The following PCLO variants were observed in gnomAD, a reference collection of about 807,000 sequenced individuals.
PCLO encodes the protein protein piccolo.
PCLO carries 82 observed loss-of-function variants against 427.5 expected under a neutral mutation model. The observed-to-expected ratio is 0.19, with a 90% CI of 0.16 to 0.23. The LOEUF is 0.23. PCLO is among the 10% of genes least tolerant of loss of function. PCLO has a pLI of 1.00. For synonymous variants in PCLO, 2,357 were observed against 2,155.4 expected (o/e 1.09, Z -2.59); for missense variants, 6,239 against 6,115.9 (o/e 1.02, Z -0.67).
At chr7:83,122,641 A>C (rs1791318291) in intron 3 of PCLO, among the ~76,000 whole-genome samples, 1 of 152,148 alleles carries the variant, frequency 6.6e-6, no homozygotes, top group South Asian at 2.1e-4. Context: ...TCCTAGCTAT[A>C]GCAATTAGAC....
At chr7:82,913,442 A>C (rs972473889) in intron 7 of PCLO, among the ~76,000 whole-genome samples, 1 of 152,024 alleles carries the variant, frequency 6.6e-6, no homozygotes, top group African/African-American at 2.4e-5. Flanking sequence ...ATGTTAGCTT[A>C]GTTCTTTGGA....
chr7:83,007,819 T>C (rs1195614728), intron 3 of PCLO, among the ~76,000 whole-genome samples: 2 of 151,548 alleles, frequency 1.3e-5, no homozygotes. Flanking sequence ...GGGCATGTTA[T>C]CTACTTCAGA....
At chr7:82,919,069 T>C (rs1367491697) in intron 6 of PCLO, among the ~76,000 whole-genome samples, 1 of 151,980 alleles carries the variant, frequency 6.6e-6, no homozygotes, top group African/African-American at 2.4e-5. Context: ...AAGGTAGGCT[T>C]GCACTTCTTG....
intron 10 of PCLO, among the ~76,000 whole-genome samples, chr7:82,864,482 A>C (rs1367646795): frequency 6.6e-6 from 1 of 152,170 alleles, no homozygotes; most frequent in East Asian, 1.9e-4. Context: ...GCTTACAGCT[A>C]AAATTTTATT....
intron 3 of PCLO, among the ~76,000 whole-genome samples, chr7:83,016,368 CAT>C (rs1394360263): frequency 1.3e-5 from 2 of 152,092 alleles, no homozygotes; most frequent in Admixed American, 6.6e-5. Context: ...ACTCAGTTCA[CAT>C]GTTAGGGTTA....
chr7:83,127,675 A>G (rs1175395231), intron 3 of PCLO, among the ~76,000 whole-genome samples: 2 of 152,148 alleles, frequency 1.3e-5, no homozygotes, highest in African/African-American at 2.4e-5. Context: ...TTCTGGTAGC[A>G]ATTACTTCAA....
In PCLO at chr7:83,134,599, C is replaced by T; in HGVS notation, c.2951G>A (p.Gly984Asp). Residue 984 changes from glycine (G) to aspartate (D), a missense_variant, in exon 3 of 25, where the codon GGT (glycine) becomes GAT (aspartate). Around this residue, in one of 5 missense-constraint regions of PCLO, gnomAD observed 4,677 missense variants for 4,468.4 expected, o/e 1.05. Coordinates refer to ENST00000333891, the MANE Select transcript of PCLO (RefSeq NM_033026.6). ...TTTTGCAGGTGCTGGTGGTGCTTGA[C>T]CTGTGGATTTGGGTGGCCCTTGTGA... is the stretch of plus-strand genomic sequence containing the variant. The part of the protein sequence containing the change: ...PTSQGPPKST[G>D]QAPPAPAKSI... The T allele has an allele frequency of 1.2e-6, 2 of 1,613,768 alleles. No individual in the cohort carries two copies. Among genetic ancestry groups the T allele is most frequent in the South Asian group, 2.2e-5 (2 of 91,068 alleles).
At position 82,954,837 on chromosome 7, in the gene PCLO, C is replaced by T; in HGVS notation, c.6116G>A (p.Ser2039Asn). The T allele has an allele frequency of 6.2e-7, 1 of 1,613,882 alleles. No homozygotes were observed. The highest frequency in any genetic ancestry group is 8.5e-7 in the Non-Finnish European group (1 of 1,179,832). ...AGTACCCAGGTCCACTATCTCATGG[C>T]TTTCTGGGATGATAAAAGAGCTTGA... ...IVSSSFIIPE[S>N]HEIVDLGTMV... The change falls in exon 5 of 25, where the codon AGC becomes AAC. Residue 2039 changes from serine to asparagine, a missense_variant. Ser to Asn is a conservative substitution (Grantham distance 46). Coordinates refer to ENST00000333891, the MANE Select transcript of PCLO (RefSeq NM_033026.6).
intron 9 of PCLO, among the ~76,000 whole-genome samples, chr7:82,900,201 T>C (rs537141585): frequency 6.6e-6 from 1 of 151,790 alleles, no homozygotes; most frequent in African/African-American, 2.4e-5. Context: ...TCCTAATCAA[T>C]TCATTCTCTA....
intron 14 of PCLO, among the ~76,000 whole-genome samples, chr7:82,838,776 G>A (rs1223028014): frequency 6.6e-6 from 1 of 151,822 alleles, no homozygotes; most frequent in Admixed American, 6.6e-5. Context: ...GCAGTGGGGT[G>A]GAACTGTCAT....
intron 3 of PCLO, among the ~76,000 whole-genome samples, chr7:83,046,714 T>C (rs779643796): frequency 4.6e-5 from 7 of 152,044 alleles, no homozygotes; most frequent in Non-Finnish European, 1.0e-4. Context: ...AATAAGACTT[T>C]GTATATATCC....
chr7:82,951,330 A>G lies in PCLO; in HGVS notation c.9258T>C (p.Asn3086=). 1 of 1,611,320 alleles carries G rather than the reference A, an allele frequency of 6.2e-7. No individual in the cohort carries two copies. Among genetic ancestry groups the G allele is most frequent in the Non-Finnish European group, 8.5e-7 (1 of 1,178,718 alleles). ...TTGCTACTGAAGAATAGACAACACCATTAGATGACCTCAAAACACTCCCCA... is the reference window on the plus strand; with the variant it reads ...TTGCTACTGAAGAATAGACAACACCGTTAGATGACCTCAAAACACTCCCCA... ...YCVGSVLRSS[N]GVVYSSVATP... The change falls in exon 6 of 25, where the codon AAT becomes AAC. Residue 3086 remains asparagine (N), a synonymous_variant. Transcript: ENST00000333891.
At chr7:82,959,771 C>T (rs758760919) in intron 4 of PCLO, among the ~76,000 whole-genome samples, 6 of 151,562 alleles carry the variant, frequency 4.0e-5, no homozygotes, top group African/African-American at 1.2e-4. Flanking sequence ...TGTTTACCTA[C>T]GGTGGTGATG....
At chr7:82,775,561 G>C (rs1463517631) in intron 22 of PCLO, among the ~76,000 whole-genome samples, 1 of 152,050 alleles carries the variant, frequency 6.6e-6, no homozygotes, top group Non-Finnish European at 1.5e-5. Context: ...AAGGTCTTTG[G>C]CTCATTTTTT....
chr7:83,099,810 C>T (rs1562964062), intron 3 of PCLO, among the ~76,000 whole-genome samples: 1 of 148,378 alleles, frequency 6.7e-6, no homozygotes, highest in Non-Finnish European at 1.5e-5. Context: ...ATACATACTC[C>T]ATAAAACACC....
intron 2 of PCLO, among the ~76,000 whole-genome samples, chr7:83,150,323 A>C (rs1379285092): frequency 6.6e-6 from 1 of 152,240 alleles, no homozygotes; most frequent in Non-Finnish European, 1.5e-5. Flanking sequence ...AATGGGCCAC[A>C]AGAAGAGATA....
chr7:82,918,944 T>C (rs1055016227), intron 6 of PCLO, among the ~76,000 whole-genome samples: 1 of 152,028 alleles, frequency 6.6e-6, no homozygotes, highest in Non-Finnish European at 1.5e-5. Flanking sequence ...AAGAACTTAA[T>C]AATGGTTGAA....
At chr7:82,876,455 TAC>T (rs35270740) in intron 10 of PCLO, among the ~76,000 whole-genome samples, 2,686 of 143,146 alleles carry the variant, frequency 0.019, 39 homozygotes, top group African/African-American at 0.044. Context: ...AAAACAAGTA[TAC>T]ACACACACAC....
intron 9 of PCLO, among the ~76,000 whole-genome samples, chr7:82,890,361 C>G (rs1035256247): frequency 5.9e-5 from 9 of 151,712 alleles, no homozygotes; most frequent in Non-Finnish European, 1.3e-4. Context: ...TTCATGTGTT[C>G]ATTGTTTCAT....
Sources: gnomAD v4.1 joint callset for allele counts (sites outside exome capture counted in the v4.1 genomes callset) on GRCh38, gnomAD v4.1.1 for gene constraint, gnomAD v4.1.1 regional missense constraint, MANE v1.5 for transcripts, NCBI Gene and HGNC (gene_info 2026-07-23, HGNC 2026-07-21) for gene names.